Variants in FNBP1L observed in about 807,000 individuals in gnomAD.
The protein encoded by FNBP1L is formin binding protein 1 like, also known as formin-binding protein 1-like.
Under a neutral mutation model 91.2 loss-of-function variants are expected in FNBP1L, and 36 were observed. The ratio of observed to expected loss-of-function variants is 0.39; its 90% CI spans 0.30 to 0.52. The LOEUF (loss-of-function observed/expected upper bound fraction) is 0.52, where lower values mean the gene tolerates loss of function less well. Ranked by LOEUF, FNBP1L falls within the 20% of genes least tolerant of loss-of-function variation. The probability of loss-of-function intolerance (pLI) is 0.66; values close to 1 mark genes in which losing one functional copy is unlikely to be tolerated. For synonymous variants in FNBP1L, 242 were observed against 237.0 expected, an observed-to-expected ratio of 1.02 and a Z score of -0.19; for missense variants, 571 against 732.1, an observed-to-expected ratio of 0.78 and a Z score of 2.54.
rs148971117 is a variant in FNBP1L, at chr1:93,548,413, A to G, written c.1503-865A>G. 1.9e-3 allele frequency among the ~76,000 whole-genome samples: 291 copies of G among 152,308 alleles called. 2 individuals carry two copies. The highest frequency in any genetic ancestry group is 6.7e-3 in the African/African-American group (280 of 41,562). ...ATTTAAAAAATTTTAAGAAAAATAA[A>G]TTGTGTTTGTATTACCTGCTTTTTT... is the stretch of plus-strand genomic sequence containing the variant. On this transcript the variant is annotated intron_variant, in intron 14 of 16. Coordinates refer to ENST00000271234, the MANE Select transcript of FNBP1L (RefSeq NM_001164473.3).
intron 8 of FNBP1L, among the ~76,000 whole-genome samples, chr1:93,533,497 G>C (rs1443975467): frequency 6.6e-6 from 1 of 152,206 alleles, no homozygotes. Flanking sequence ...ATTATGTGCA[G>C]ATGAAACAGC....
chr1:93,547,399 A>G lies in FNBP1L; in HGVS notation c.1460A>G (p.His487Arg), dbSNP rs1381563858. 4 of 1,562,058 alleles carry G rather than the reference A, an allele frequency of 2.6e-6. No homozygotes were observed. The highest frequency in any genetic ancestry group is 1.9e-5 in the Admixed American group (1 of 52,506). The change falls in exon 14 of 17, where the codon CAT becomes CGT. Residue 487 changes from histidine (H) to arginine (R), a missense_variant. Physicochemically the swap from His to Arg is conservative, Grantham distance 29. Transcript: ENST00000271234. Reference sequence around the variant, plus strand: ...ACAGGTGGGAGAGGAGACAGAAGACATAGCAGTGACATAAATCATCTTGTA... The same window carrying G: ...ACAGGTGGGAGAGGAGACAGAAGACGTAGCAGTGACATAAATCATCTTGTA... ...GKTGGRGDRR[H>R]SSDINHLVTQ...
chr1:93,529,489 G>A (rs758759266), intron 5 of FNBP1L, among the ~76,000 whole-genome samples, 163 bp from the exon 6 acceptor site: 4 of 151,966 alleles, frequency 2.6e-5, no homozygotes, highest in African/African-American at 9.7e-5. Context: ...TGTGCAGGAC[G>A]TGCAGGTTTG....
At chr1:93,542,573 C>T (rs1307352181) in intron 11 of FNBP1L, among the ~76,000 whole-genome samples, 1 of 149,814 alleles carries the variant, frequency 6.7e-6, no homozygotes, top group Non-Finnish European at 1.5e-5. Flanking sequence ...TTAAATGTTA[C>T]ATTTAATTAT....
Position 93,477,353 on chromosome 1 carries a change from A to G in FNBP1L, c.25-22115A>G, listed in dbSNP as rs545021570. Among the ~76,000 whole-genome samples, 8 of 152,352 alleles carry G rather than the reference A, an allele frequency of 5.3e-5. No individual in the cohort carries two copies. In the South Asian group the frequency reaches 1.2e-3, roughly 24 times the overall value. ...ATGGCAGTGTGCTGTCTTACTGTAC[A>G]GTGTTTATAAGCAACAACTGCTGAA... On this transcript the variant is annotated intron_variant, in intron 1 of 16. Transcript: ENST00000271234.
intron 1 of FNBP1L, among the ~76,000 whole-genome samples, chr1:93,493,832 T>C (rs1426681823): frequency 1.3e-5 from 2 of 152,236 alleles, no homozygotes; most frequent in Non-Finnish European, 2.9e-5. Context: ...GGAAAGTCTC[T>C]TGAAATTTTG....
intron 1 of FNBP1L, among the ~76,000 whole-genome samples, chr1:93,482,550 T>C (rs978949101): frequency 2.0e-5 from 3 of 152,146 alleles, no homozygotes; most frequent in Non-Finnish European, 2.9e-5. Context: ...AAGTCTGAAA[T>C]TATGTATTCA....
intron 2 of FNBP1L, among the ~76,000 whole-genome samples, chr1:93,510,476 A>T (rs1670793679): frequency 6.6e-6 from 1 of 152,126 alleles, no homozygotes; most frequent in African/African-American, 2.4e-5. Flanking sequence ...ATCATCAAAG[A>T]CCAAAAGTAG....
intron 5 of FNBP1L, among the ~76,000 whole-genome samples, chr1:93,527,280 A>T (rs1671523996): frequency 6.6e-6 from 1 of 152,152 alleles, no homozygotes; most frequent in African/African-American, 2.4e-5. Context: ...AAGAAAGGGA[A>T]ATTGCTAACT....
chr1:93,475,720 A>G (rs1329881943), intron 1 of FNBP1L, among the ~76,000 whole-genome samples: 2 of 152,244 alleles, frequency 1.3e-5, no homozygotes, highest in Non-Finnish European at 2.9e-5. Flanking sequence ...TGTAAAGGAT[A>G]AAAACTGCTA....
At chr1:93,456,641 G>A (rs1217689997) in intron 1 of FNBP1L, among the ~76,000 whole-genome samples, 1 of 148,864 alleles carries the variant, frequency 6.7e-6, no homozygotes, top group Admixed American at 6.6e-5. Flanking sequence ...TAAGCTGGGC[G>A]TGGTGGTGGG....
intron 1 of FNBP1L, among the ~76,000 whole-genome samples, chr1:93,468,084 C>T (rs1441031624): frequency 6.6e-6 from 1 of 152,140 alleles, no homozygotes; most frequent in Non-Finnish European, 1.5e-5. Flanking sequence ...AGCTGTTGCC[C>T]ATTAAGAGTC....
At chr1:93,504,549 C>A (rs1670542486) in intron 2 of FNBP1L, among the ~76,000 whole-genome samples, 1 of 152,166 alleles carries the variant, frequency 6.6e-6, no homozygotes, top group South Asian at 2.1e-4. Context: ...TTTTCTCATA[C>A]CTCTTTATCA....
At chr1:93,487,060 C>T (rs1039213297) in intron 1 of FNBP1L, among the ~76,000 whole-genome samples, 1 of 152,160 alleles carries the variant, frequency 6.6e-6, no homozygotes, top group East Asian at 1.9e-4. Context: ...CAGGCTCTTA[C>T]CCTCATTATT....
In FNBP1L at chr1:93,549,239, T is replaced by G; in HGVS notation, c.1503-39T>G. 6 of 1,536,082 alleles carry G rather than the reference T, an allele frequency of 3.9e-6. No homozygotes were observed. In the South Asian group the frequency reaches 7.4e-5, roughly 19 times the overall value. On this transcript the variant is annotated intron_variant, in intron 14 of 16. Coordinates refer to ENST00000271234, the MANE Select transcript of FNBP1L (RefSeq NM_001164473.3). ...ATAAATAATATATAGAATTCTCATG[T>G]TTATGATACTTGATCAGAGATAATT...
intron 9 of FNBP1L, among the ~76,000 whole-genome samples, chr1:93,535,778 C>T (rs1374800899): frequency 6.7e-6 from 1 of 149,512 alleles, no homozygotes; most frequent in African/African-American, 2.5e-5. Flanking sequence ...TAAGTCAGAT[C>T]GAGGTAGCTA....
intron 1 of FNBP1L, chr1:93,488,532 AG>A (rs2101715030): frequency 6.6e-6 from 1 of 152,208 alleles, no homozygotes; most frequent in South Asian, 2.1e-4. Flanking sequence ...GGTTTATTGG[AG>A]GTTATACCCT....
intron 2 of FNBP1L, among the ~76,000 whole-genome samples, chr1:93,509,465 C>T (rs1299914861): frequency 1.3e-5 from 2 of 152,168 alleles, no homozygotes; most frequent in Non-Finnish European, 2.9e-5. Flanking sequence ...AATAACATGG[C>T]TTTTTGATGA....
At position 93,515,209 on chromosome 1, in the gene FNBP1L, A is replaced by G. The variant is rs529193136; in HGVS notation, c.141-6873A>G. 2.0e-5 allele frequency among the ~76,000 whole-genome samples: 3 copies of G among 152,286 alleles called. No homozygotes were observed. The East Asian group carries it at 5.8e-4, about 29-fold the overall frequency. On this transcript the variant is annotated intron_variant, in intron 2 of 16. Coordinates refer to ENST00000271234, the MANE Select transcript of FNBP1L (RefSeq NM_001164473.3). Reference sequence around the variant, plus strand: ...TCAGAGAAATGCAAATCAAAACCACAATGACATACCATCTCACACCAGTTA... The same window carrying G: ...TCAGAGAAATGCAAATCAAAACCACGATGACATACCATCTCACACCAGTTA...
Sources: gnomAD v4.1 joint callset for allele counts (sites outside exome capture counted in the v4.1 genomes callset) on GRCh38, gnomAD v4.1.1 for gene constraint, MANE v1.5 for transcripts, NCBI Gene and HGNC (gene_info 2026-07-23, HGNC 2026-07-21) for gene names.